The following MYRFL variants were observed in gnomAD, a reference collection of about 807,000 sequenced individuals.
MYRFL encodes the protein myelin regulatory factor like, also known as myelin regulatory factor-like protein.
A neutral mutation model predicts 109.4 loss-of-function variants in MYRFL; 88 were observed. The ratio of observed to expected loss-of-function variants is 0.80; its 90% CI spans 0.68 to 0.96. The LOEUF (loss-of-function observed/expected upper bound fraction) is 0.96. MYRFL is among the 40% of genes least tolerant of loss of function. The pLI is 0.00. For missense variants in MYRFL, 957 were observed against 954.9 expected, an observed-to-expected ratio of 1.00 and a Z score of -0.03; for synonymous variants, 324 against 320.9, an observed-to-expected ratio of 1.01 and a Z score of -0.10.
intron 1 of MYRFL, among the ~76,000 whole-genome samples, chr12:69,842,872 A>G (rs1185653367): frequency 6.6e-6 from 1 of 152,176 alleles, no homozygotes; most frequent in Non-Finnish European, 1.5e-5. Flanking sequence ...TCATTACTTA[A>G]CACCTTGCAT....
intron 2 of MYRFL, among the ~76,000 whole-genome samples, chr12:69,871,915 G>A (rs1043653580): frequency 6.6e-5 from 10 of 152,124 alleles, no homozygotes; most frequent in Non-Finnish European, 8.8e-5. Flanking sequence ...ATCCATGTAT[G>A]TCTTTAGTGA....
At chr12:69,867,101 A>G (rs927702239) in intron 2 of MYRFL, among the ~76,000 whole-genome samples, 8 of 152,182 alleles carry the variant, frequency 5.3e-5, no homozygotes, top group African/African-American at 1.9e-4. Context: ...TTAACTCTTT[A>G]TTTCCTTATG....
At position 69,936,019 on chromosome 12, in the gene MYRFL, G is replaced by A. The variant is rs538115421; in HGVS notation, c.1917-94G>A. ...GCTCCCATCTGTGTGGCCTGTGAGAGTACATCTCTGGCCAGCTGGATGTGT... is the reference window on the plus strand; with the variant it reads ...GCTCCCATCTGTGTGGCCTGTGAGAATACATCTCTGGCCAGCTGGATGTGT... On this transcript the variant is annotated intron_variant, in intron 16 of 24. Coordinates refer to ENST00000552032, the MANE Select transcript of MYRFL (RefSeq NM_182530.3). 2.3e-4 allele frequency: 317 copies of A among 1,395,646 alleles called. 2 individuals carry two copies. The African/African-American group carries it at 4.3e-3, about 19-fold the overall frequency. The allele number at this position is 1,395,646 out of a possible 1,614,324, so 86.5% of individuals were successfully genotyped here.
At chr12:69,958,413 TCTTC>T in intron 24 of MYRFL, 28 bp from the exon 25 acceptor site, 1 of 1,505,248 alleles carries the variant, frequency 6.6e-7, no homozygotes. Context: ...TTTACATTAA[TCTTC>T]CTTTTTTTTT....
In MYRFL at chr12:69,958,507, T is replaced by C; in HGVS notation, c.2709T>C (p.Phe903=). The change falls in exon 25 of 25, where the codon TTT becomes TTC. Residue 903 remains phenylalanine (F), a synonymous_variant. Coordinates refer to ENST00000552032, the MANE Select transcript of MYRFL (RefSeq NM_182530.3). ...FAGIFFTDYF[F]YFYRRCA ...GGATATTCTTCACCGATTACTTCTT[T>C]TACTTCTATCGACGCTGTGCCTAAT... is the stretch of plus-strand genomic sequence containing the variant. 6.5e-7 allele frequency: 1 copy of C among 1,535,642 alleles called. No individual in the cohort carries two copies. The highest frequency in any genetic ancestry group is 8.7e-7 in the Non-Finnish European group (1 of 1,146,766).
chr12:69,958,029 G>T lies in MYRFL; in HGVS notation c.2571+87G>T, dbSNP rs1592909835. The T allele has an allele frequency of 2.0e-6, 3 of 1,468,740 alleles. No homozygotes were observed. The East Asian group carries it at 7.5e-5, about 37-fold the overall frequency. 91.0% of individuals were successfully genotyped at this position (1,468,740 alleles called of 1,614,324 possible). A position where few individuals can be genotyped will look rare whatever the true frequency, so the allele number is the denominator to read the frequency against. ...TGTTTTCCCTCCCTGGCCAACCCTA[G>T]TCACAGGGCTTGGCTCAGCCTCTTC... On this transcript the variant is annotated intron_variant, in intron 23 of 24. Coordinates refer to ENST00000552032, the MANE Select transcript of MYRFL (RefSeq NM_182530.3).
rs572623464 is a variant in MYRFL at position 69,868,917 on chromosome 12, CAT to C, written c.138-10110_138-10109del. ...ACACGTACGCACACGCGCACACACACATGTACTCACACGTACACACAGATATG... is the reference window on the plus strand; with the variant it reads ...ACACGTACGCACACGCGCACACACACGTACTCACACGTACACACAGATATG... On this transcript the variant is annotated intron_variant, in intron 2 of 24. Coordinates refer to ENST00000552032, the MANE Select transcript of MYRFL (RefSeq NM_182530.3). 2.7e-3 allele frequency among the ~76,000 whole-genome samples: 406 copies of C among 152,064 alleles called. 5 individuals are homozygous for C. Among genetic ancestry groups the C allele is most frequent in the African/African-American group, 9.0e-3 (372 of 41,482 alleles).
At chr12:69,881,476 T>G (rs1311203796) in intron 5 of MYRFL, among the ~76,000 whole-genome samples, 2 of 152,176 alleles carry the variant, frequency 1.3e-5, no homozygotes, top group African/African-American at 4.8e-5. Context: ...TTCACCTGAG[T>G]GGGAAAAAAC....
chr12:69,945,037 G>T (rs1955791014), intron 19 of MYRFL, among the ~76,000 whole-genome samples: 1 of 151,714 alleles, frequency 6.6e-6, no homozygotes, highest in Admixed American at 6.6e-5. Flanking sequence ...TTAAAATAAA[G>T]ATATAAAGAA....
intron 13 of MYRFL, among the ~76,000 whole-genome samples, chr12:69,924,765 ATT>A (rs972859250): frequency 6.6e-6 from 1 of 151,930 alleles, no homozygotes; most frequent in Non-Finnish European, 1.5e-5. Flanking sequence ...TACAAGTATG[ATT>A]TTTTTTGTTG....
At chr12:69,851,848 C>T (rs1281785656) in intron 1 of MYRFL, among the ~76,000 whole-genome samples, 1 of 152,018 alleles carries the variant, frequency 6.6e-6, no homozygotes, top group African/African-American at 2.4e-5. Context: ...TTTTTGTAGA[C>T]ATGGGGTTTC....
At chr12:69,897,094 G>T (rs1393697143) in intron 9 of MYRFL, 62 bp from the exon 10 acceptor site, 2 of 1,135,718 alleles carry the variant, frequency 1.8e-6, no homozygotes, top group Non-Finnish European at 2.6e-6. Context: ...GGTGGTATTT[G>T]TTTGTACAAA....
chr12:69,898,926 C>T (rs920619041), intron 10 of MYRFL, among the ~76,000 whole-genome samples: 9 of 152,206 alleles, frequency 5.9e-5, no homozygotes, highest in African/African-American at 2.2e-4. Context: ...GGCACCTCCT[C>T]AAATCCAAAG....
chr12:69,895,980 A>G (rs1013268732), intron 9 of MYRFL, among the ~76,000 whole-genome samples: 1 of 152,204 alleles, frequency 6.6e-6, no homozygotes, highest in Non-Finnish European at 1.5e-5. Flanking sequence ...AAGAATCAAA[A>G]ACTCTGAATC....
Position 69,855,334 on chromosome 12 carries a change from A to G in MYRFL, c.101A>G (p.Glu34Gly), listed in dbSNP as rs1188034735. ...ENPALDTSLL[E>G]EFLGNDFDLG... ...CCAGCCCTGGACACAAGTCTGTTGGAGGAATTTCTGGGCAATGACTTTGAT... is the reference window on the plus strand; with the variant it reads ...CCAGCCCTGGACACAAGTCTGTTGGGGGAATTTCTGGGCAATGACTTTGAT... Residue 34 changes from glutamate (E) to glycine (G), a missense_variant, in exon 2 of 25, where the codon GAG becomes GGG. Physicochemically the swap from Glu to Gly is moderately conservative, Grantham distance 98. Coordinates refer to ENST00000552032, the MANE Select transcript of MYRFL (RefSeq NM_182530.3). 1.4e-6 allele frequency: 1 copy of G among 702,728 alleles called. No homozygotes were observed. The highest frequency in any genetic ancestry group is 1.5e-5 in the South Asian group (1 of 67,564). 43.5% of individuals were successfully genotyped at this position (702,728 alleles called of 1,614,324 possible).
At chr12:69,863,462 G>T (rs766773720) in intron 2 of MYRFL, among the ~76,000 whole-genome samples, 3 of 152,092 alleles carry the variant, frequency 2.0e-5, no homozygotes, top group South Asian at 4.1e-4. Context: ...TTTATTTTCA[G>T]TGGTAACTCG....
chr12:69,878,939 G>C (rs1885867711), intron 2 of MYRFL, 89 bp from the exon 3 acceptor site: 1 of 699,440 alleles, frequency 1.4e-6, no homozygotes, highest in South Asian at 1.5e-5. Flanking sequence ...CACTGTGGGG[G>C]CTGTACACTG....
chr12:69,957,187 C>CTGAT (rs1276883204), intron 22 of MYRFL, among the ~76,000 whole-genome samples: 1 of 152,178 alleles, frequency 6.6e-6, no homozygotes, highest in East Asian at 1.9e-4. Flanking sequence ...ACTTTCAACT[C>CTGAT]TGATAGCTTT....
intron 2 of MYRFL, among the ~76,000 whole-genome samples, chr12:69,866,626 A>G (rs1257532522): frequency 6.6e-6 from 1 of 152,174 alleles, no homozygotes; most frequent in Non-Finnish European, 1.5e-5. Flanking sequence ...CATATTGCCT[A>G]CAATGTGTGT....
Sources: gnomAD v4.1 joint callset for allele counts (sites outside exome capture counted in the v4.1 genomes callset) on GRCh38, gnomAD v4.1.1 for gene constraint, MANE v1.5 for transcripts, NCBI Gene and HGNC (gene_info 2026-07-23, HGNC 2026-07-21) for gene names.